ABL1: variants seen among roughly 807,000 people sequenced by gnomAD.
ABL1 encodes tyrosine-protein kinase ABL1.
Under a neutral mutation model 94.7 loss-of-function variants are expected in ABL1, and 11 were observed. The observed-to-expected ratio is 0.12, with a 90% CI of 0.07 to 0.19. The LOEUF (loss-of-function observed/expected upper bound fraction) is 0.19, where lower values mean the gene tolerates loss of function less well. Ranked by LOEUF, ABL1 falls within the 10% of genes least tolerant of loss-of-function variation. The probability of loss-of-function intolerance (pLI) is 1.00; values close to 1 mark genes in which losing one functional copy is unlikely to be tolerated. For missense variants in ABL1, 1,082 were observed against 1,489.4 expected (o/e 0.73, Z 4.50); for synonymous variants, 656 against 622.4 (o/e 1.05, Z -0.80).
At chr9:130,798,995 G>A (rs1031595849) in intron 1 of ABL1, among the ~76,000 whole-genome samples, 9 of 142,762 alleles carry the variant, frequency 6.3e-5, no homozygotes, top group African/African-American at 2.2e-4. Flanking sequence ...GAATTGGAAG[G>A]GAATGGAGGA....
rs1476512998 is a variant in ABL1, at chr9:130,880,527, G to A, written c.1541G>A (p.Gly514Asp). Residue 514 changes from glycine (G) to aspartate (D), a missense_variant, in exon 10 of 11, where the codon GGC (glycine) becomes GAC (aspartate). Physicochemically the swap from Gly to Asp is moderately conservative, Grantham distance 94 (BLOSUM62 -1). Transcript: ENST00000318560. The surrounding 1 kb of genome is among the most constrained non-coding windows in gnomAD (Gnocchi z 4.4). Reference sequence around the variant, plus strand: ...GTGGAAAAGGAGCTGGGGAAACAAGGCGTCCGTGGGGCTGTGAGTACCTTG... The same window carrying A: ...GTGGAAAAGGAGCTGGGGAAACAAGACGTCCGTGGGGCTGTGAGTACCTTG... ...DEVEKELGKQ[G>D]VRGAVSTLLQ... 5 of 1,613,896 alleles carry A rather than the reference G, an allele frequency of 3.1e-6. No homozygotes were observed. In the South Asian group the frequency reaches 5.5e-5, roughly 18 times the overall value.
At chr9:130,758,896 G>T (rs1487183122) in intron 1 of ABL1, among the ~76,000 whole-genome samples, 1 of 152,124 alleles carries the variant, frequency 6.6e-6, no homozygotes, top group Non-Finnish European at 1.5e-5. Context: ...TGATGGTTTC[G>T]CCGGGATTCA....
chr9:130,744,948 A>G (rs1399089125), intron 1 of ABL1, among the ~76,000 whole-genome samples: 1 of 152,016 alleles, frequency 6.6e-6, no homozygotes, highest in Non-Finnish European at 1.5e-5. Context: ...TGGTGGCCTA[A>G]TGATGTAAGT....
chr9:130,804,307 C>CTGAGA (rs1830096007), intron 1 of ABL1, among the ~76,000 whole-genome samples: 5 of 152,114 alleles, frequency 3.3e-5, no homozygotes, highest in African/African-American at 1.2e-4. Context: ...CGGCAGTGAG[C>CTGAGA]TCACACCAGT....
intron 1 of ABL1, among the ~76,000 whole-genome samples, chr9:130,810,109 T>C (rs1830187698): frequency 6.6e-6 from 1 of 152,168 alleles, no homozygotes; most frequent in African/African-American, 2.4e-5. Flanking sequence ...TGAGACAGAT[T>C]ATATAAGTAG....
chr9:130,759,139 A>T (rs1832078528), intron 1 of ABL1, among the ~76,000 whole-genome samples: 1 of 109,892 alleles, frequency 9.1e-6, no homozygotes, highest in Non-Finnish European at 1.7e-5. Flanking sequence ...ATGATTTTTT[A>T]AAAATTTTTG....
intron 1 of ABL1, among the ~76,000 whole-genome samples, chr9:130,735,961 A>ATATATATATATATATATATTT (rs573602038): frequency 5.3e-5 from 5 of 94,884 alleles, no homozygotes; most frequent in African/African-American, 2.6e-4. Context: ...ATATATATAT[A>ATATATATATATATATATATTT]TTTTTTTTTT....
intron 1 of ABL1, among the ~76,000 whole-genome samples, chr9:130,728,298 G>A (rs1423743483): frequency 6.9e-6 from 1 of 144,426 alleles, no homozygotes; most frequent in East Asian, 2.0e-4. Context: ...GAACTCCTGA[G>A]CTCAAGCAAT....
At chr9:130,718,911 A>G (rs1009196102) in intron 1 of ABL1, among the ~76,000 whole-genome samples, 4 of 152,176 alleles carry the variant, frequency 2.6e-5, no homozygotes, top group African/African-American at 9.7e-5. Context: ...GTTGCTATGG[A>G]AAGTCTATCA....
rs369922644 is a variant in ABL1 at position 130,880,673 on chromosome 9, C to T, written c.1678+9C>T. On this transcript the variant is annotated intron_variant, in intron 10 of 10. Transcript: ENST00000318560. This position sits in a 1 kb window ranked among gnomAD's most constrained non-coding sequence, Gnocchi z 4.4. ...GGGCCAGGGAGAGAGCGGTAAGTCC[C>T]CCGCTTCCCCCAACCCCACTGCTCT... 8.1e-6 allele frequency: 13 copies of T among 1,612,248 alleles called. No homozygotes were observed. In the African/African-American group the frequency reaches 1.7e-4, roughly 21 times the overall value.
chr9:130,822,755 C>T (rs1165526657), intron 1 of ABL1, among the ~76,000 whole-genome samples: 1 of 151,652 alleles, frequency 6.6e-6, no homozygotes, highest in African/African-American at 2.4e-5. Context: ...AGTTTGTGCA[C>T]TGTCTTATTA....
intron 1 of ABL1, among the ~76,000 whole-genome samples, chr9:130,796,224 C>T (rs372943309): frequency 6.6e-6 from 1 of 151,070 alleles, no homozygotes; most frequent in East Asian, 2.0e-4. Context: ...ATATATGCAA[C>T]TCATTAAGAA....
intron 1 of ABL1, chr9:130,724,988 G>A: frequency 3.2e-6 from 1 of 312,362 alleles, no homozygotes; most frequent in Non-Finnish European, 6.6e-6. Flanking sequence ...TAGAGCCACA[G>A]TGGCCGCACA....
At chr9:130,794,478 G>T (rs968167290) in intron 1 of ABL1, among the ~76,000 whole-genome samples, 10 of 152,092 alleles carry the variant, frequency 6.6e-5, no homozygotes, top group Admixed American at 1.3e-4. Flanking sequence ...AGAAATATGT[G>T]TATTTCCTGG....
intron 1 of ABL1, among the ~76,000 whole-genome samples, chr9:130,844,729 AG>A (rs1830735328): frequency 6.6e-6 from 1 of 152,138 alleles, no homozygotes; most frequent in African/African-American, 2.4e-5. Context: ...TGAACCCGGG[AG>A]GCGGAGGTTG....
At chr9:130,810,191 TAAGTA>T (rs1465057471) in intron 1 of ABL1, among the ~76,000 whole-genome samples, 1 of 152,160 alleles carries the variant, frequency 6.6e-6, no homozygotes, top group Non-Finnish European at 1.5e-5. Context: ...TTTAATATGT[TAAGTA>T]AAGACATGAA....
At position 130,862,373 on chromosome 9, in the gene ABL1, AGTAAGACAGG is replaced by A. The variant is rs1048542816; in HGVS notation, c.550-389_550-380del. On this transcript the variant is annotated intron_variant, in intron 3 of 10. Coordinates refer to ENST00000318560, the MANE Select transcript of ABL1 (RefSeq NM_005157.6). This position sits in a 1 kb window ranked among gnomAD's most constrained non-coding sequence, Gnocchi z 5.5. ...GCTAGTAGTGGGTCCATTGCTGAGA[AGTAAGACAGG>A]TGGTAGGATGACCCGTGCCGTGTGA... 2.4e-4 allele frequency among the ~76,000 whole-genome samples: 37 copies of A among 152,310 alleles called. No individual in the cohort carries two copies. Among genetic ancestry groups the A allele is most frequent in the African/African-American group, 8.7e-4 (36 of 41,570 alleles).
At chr9:130,786,072 C>T (rs1197331239) in intron 1 of ABL1, among the ~76,000 whole-genome samples, 5 of 151,970 alleles carry the variant, frequency 3.3e-5, no homozygotes, top group African/African-American at 7.3e-5. Flanking sequence ...GAGCATGCCA[C>T]GCCACACCAC....
In ABL1 at chr9:130,885,704, T is replaced by C. The variant is rs2133041211; in HGVS notation, c.*21T>C. ...GGTAGCAGCAGTCAGGGGTCAGGTG[T>C]CAGGCCCGTCGGAGCTGCCTGCAGC... On this transcript the variant is annotated 3_prime_UTR_variant, in exon 11 of 11. Coordinates refer to ENST00000318560, the MANE Select transcript of ABL1 (RefSeq NM_005157.6). 1 of 1,594,606 alleles carries C rather than the reference T, an allele frequency of 6.3e-7. No individual in the cohort carries two copies. The highest frequency in any genetic ancestry group is 8.6e-7 in the Non-Finnish European group (1 of 1,169,414).
Sources: allele counts gnomAD v4.1 joint callset (sites outside exome capture counted in the v4.1 genomes callset), GRCh38; gene constraint gnomAD v4.1.1; non-coding constraint Gnocchi (gnomAD v3.1); transcripts MANE v1.5; gene names NCBI Gene and HGNC (gene_info 2026-07-23, HGNC 2026-07-21).